KIF21A: variants seen among roughly 807,000 people sequenced by gnomAD.
KIF21A encodes the protein kinesin family member 21A.
A neutral mutation model predicts 202.9 loss-of-function variants in KIF21A; 114 were observed. The ratio of observed to expected loss-of-function variants is 0.56; its 90% CI spans 0.48 to 0.66. KIF21A has a LOEUF of 0.66. Among genes scored for constraint, KIF21A ranks in the 30% least tolerant of loss-of-function variants. The pLI is 0.00. For synonymous variants in KIF21A, 667 were observed against 670.8 expected, an observed-to-expected ratio of 0.99 and a Z score of 0.09; for missense variants, 1,677 against 1,994.9, an observed-to-expected ratio of 0.84 and a Z score of 3.04.
chr12:39,436,448 A>ATATATATATATATATTT (rs1387332677), intron 1 of KIF21A, among the ~76,000 whole-genome samples: 53 of 95,744 alleles, frequency 5.5e-4, no homozygotes, highest in African/African-American at 2.3e-3. Context: ...ATATATATAT[A>ATATATATATATATATTT]TTTTTTTTTT....
chr12:39,439,145 C>T (rs929548957), intron 1 of KIF21A, among the ~76,000 whole-genome samples: 8 of 152,024 alleles, frequency 5.3e-5, no homozygotes, highest in South Asian at 2.1e-4. Flanking sequence ...TACTTGTGTG[C>T]GTACATGCAT....
intron 24 of KIF21A, among the ~76,000 whole-genome samples, chr12:39,328,073 G>A (rs1365541867): frequency 3.9e-5 from 6 of 152,006 alleles, no homozygotes; most frequent in Admixed American, 1.3e-4. Flanking sequence ...CCCTGAGACC[G>A]CCGTCCTTAG....
At chr12:39,405,664 C>T (rs1952522230) in intron 1 of KIF21A, among the ~76,000 whole-genome samples, 1 of 152,104 alleles carries the variant, frequency 6.6e-6, no homozygotes, top group Admixed American at 6.6e-5. Context: ...ACACACTTTT[C>T]CTTGCAGCTG....
intron 33 of KIF21A, among the ~76,000 whole-genome samples, chr12:39,308,460 C>T: frequency 6.6e-6 from 1 of 151,918 alleles, no homozygotes; most frequent in East Asian, 1.9e-4. Flanking sequence ...CCAGAAGCAC[C>T]ACCCCACTCC....
rs2138366628 is a variant in KIF21A, at chr12:39,340,312, A to G, written c.2163T>C (p.Tyr721=). ...EEKAKKVRSE[Y]EKKLQAMNKE... ...TGTTCATGGCTTGGAGTTTCTTTTC[A>G]TATTCAGACCTAACTTTTTTTGCTT... Residue 721 remains tyrosine, a synonymous_variant, in exon 16 of 38, where the codon TAT becomes TAC. Transcript: ENST00000361418. The G allele has an allele frequency of 1.2e-6, 2 of 1,612,284 alleles. No homozygotes were observed. The highest frequency in any genetic ancestry group is 2.2e-5 in the East Asian group (1 of 44,786).
chr12:39,382,575 T>C (rs1319668467), intron 1 of KIF21A, among the ~76,000 whole-genome samples: 1 of 152,194 alleles, frequency 6.6e-6, no homozygotes, highest in Non-Finnish European at 1.5e-5. Context: ...GCATTTTCAA[T>C]AGTTTCAGCA....
intron 28 of KIF21A, among the ~76,000 whole-genome samples, chr12:39,318,925 G>C (rs1397657304): frequency 1.3e-5 from 2 of 151,658 alleles, no homozygotes; most frequent in Non-Finnish European, 2.9e-5. Flanking sequence ...AGTTTGCAGT[G>C]AGCCGAGATA....
chr12:39,332,592 T>A lies in KIF21A; in HGVS notation c.2855A>T (p.Lys952Met), dbSNP rs745424578. 4 of 1,611,828 alleles carry A rather than the reference T, an allele frequency of 2.5e-6. No individual in the cohort carries two copies. Among genetic ancestry groups the A allele is most frequent in the Admixed American group, 3.4e-5 (2 of 59,668 alleles). The change falls in exon 20 of 38, where the codon AAG becomes ATG. Residue 952 changes from lysine (K) to methionine (M), a missense_variant and splice_region_variant. Lys to Met is a moderately conservative substitution (Grantham distance 95). This residue lies in a region of KIF21A where 966 missense variants were observed against 1,180.9 expected (regional missense o/e 0.82). Transcript: ENST00000361418. ...GTATCTACTCTCTATTTTCCACACC[T>A]TGAGGAGTCTATTCATATCTGCCTC... ...NMEADMNRLL[K>M]QREELTKRRE...
At chr12:39,405,764 C>G (rs1417392830) in intron 1 of KIF21A, among the ~76,000 whole-genome samples, 3 of 152,102 alleles carry the variant, frequency 2.0e-5, no homozygotes, top group Non-Finnish European at 4.4e-5. Flanking sequence ...AGACATTTCT[C>G]TGTTTGAAAC....
At chr12:39,313,149 G>A (rs980172518) in intron 31 of KIF21A, among the ~76,000 whole-genome samples, 24 of 151,646 alleles carry the variant, frequency 1.6e-4, no homozygotes, top group African/African-American at 5.1e-4. Flanking sequence ...TATATCATAG[G>A]GTTTTGAAAG....
At chr12:39,388,643 G>A (rs1951124422) in intron 1 of KIF21A, among the ~76,000 whole-genome samples, 1 of 152,112 alleles carries the variant, frequency 6.6e-6, no homozygotes. Context: ...CACACCTATT[G>A]TTTTGGATCT....
chr12:39,419,342 A>G (rs142654244), intron 1 of KIF21A, among the ~76,000 whole-genome samples: 214 of 151,784 alleles, frequency 1.4e-3, no homozygotes, highest in African/African-American at 5.1e-3. Context: ...GCCTAAAGTT[A>G]ACTTATCTAG....
intron 14 of KIF21A, 73 bp downstream of exon 14, chr12:39,341,432 G>T: frequency 7.1e-7 from 1 of 1,413,146 alleles, no homozygotes. Flanking sequence ...AATAGAGAAT[G>T]TTAAGAGTTT....
At chr12:39,417,625 CACTT>C (rs1196010864) in intron 1 of KIF21A, among the ~76,000 whole-genome samples, 5 of 152,092 alleles carry the variant, frequency 3.3e-5, no homozygotes, top group African/African-American at 7.2e-5. Context: ...ATACCAATAA[CACTT>C]AATTTTGTGG....
Position 39,303,286 on chromosome 12 carries a change from T to C in KIF21A, c.4561-151A>G, listed in dbSNP as rs1592029386. The stretch of plus-strand genomic sequence containing the variant: ...TCTGGTTTGTTAAATGTTTTCTTTT[T>C]ATTTATTTTATTTATTATTTTGAGA... On this transcript the variant is annotated intron_variant, in intron 35 of 37. Coordinates refer to ENST00000361418, the MANE Select transcript of KIF21A (RefSeq NM_001173464.2). 14 of 662,256 alleles carry C rather than the reference T, an allele frequency of 2.1e-5. No individual in the cohort carries two copies. The East Asian group carries it at 3.6e-4, about 17-fold the overall frequency. 41.0% of individuals were successfully genotyped at this position (662,256 alleles called of 1,614,324 possible). A position where few individuals can be genotyped will look rare whatever the true frequency, so the allele number is the denominator to read the frequency against.
intron 1 of KIF21A, among the ~76,000 whole-genome samples, chr12:39,411,777 T>A (rs1180283841): frequency 1.3e-5 from 2 of 152,150 alleles, no homozygotes; most frequent in African/African-American, 4.8e-5. Context: ...CCTCAAGTAA[T>A]CCTCCCTCTT....
chr12:39,349,229 C>T (rs1486525114), intron 11 of KIF21A, among the ~76,000 whole-genome samples: 1 of 152,022 alleles, frequency 6.6e-6, no homozygotes, highest in African/African-American at 2.4e-5. Context: ...TTCTTGCTCC[C>T]TTCTGAATTA....
intron 1 of KIF21A, among the ~76,000 whole-genome samples, chr12:39,395,345 G>T (rs987308228): frequency 6.6e-6 from 1 of 152,022 alleles, no homozygotes; most frequent in African/African-American, 2.4e-5. Flanking sequence ...TCCTCTGCCT[G>T]AAATGCCCAT....
At chr12:39,384,940 A>T (rs1230138940) in intron 1 of KIF21A, among the ~76,000 whole-genome samples, 4 of 152,122 alleles carry the variant, frequency 2.6e-5, no homozygotes, top group Non-Finnish European at 1.5e-5. Flanking sequence ...TAGCCATGTG[A>T]CCTTCTCATA....
Sources: gnomAD v4.1 joint callset for allele counts (sites outside exome capture counted in the v4.1 genomes callset) on GRCh38, gnomAD v4.1.1 for gene constraint, gnomAD v4.1.1 regional missense constraint, MANE v1.5 for transcripts, NCBI Gene and HGNC (gene_info 2026-07-23, HGNC 2026-07-21) for gene names.